The following AFAP1L2 variants were observed in gnomAD, a reference collection of about 807,000 sequenced individuals.
AFAP1L2 encodes the protein actin filament-associated protein 1-like 2.
In AFAP1L2, 46 loss-of-function variants were observed where a neutral mutation model predicts 99.3. That is an observed-to-expected ratio of 0.46 (90% CI 0.37 to 0.59). The LOEUF is 0.59. Among genes scored for constraint, AFAP1L2 ranks in the 20% least tolerant of loss-of-function variants. The probability of loss-of-function intolerance (pLI) is 0.00; values close to 1 mark genes in which losing one functional copy is unlikely to be tolerated. For missense variants in AFAP1L2, 959 were observed against 1,034.9 expected (o/e 0.93, Z 1.01); for synonymous variants, 397 against 419.1 (o/e 0.95, Z 0.64).
At chr10:114,286,555 G>T in the AFAP1L2 span, 1 of 1,487,408 alleles carries the variant, frequency 6.7e-7, no homozygotes, top group Non-Finnish European at 8.9e-7. Flanking sequence ...TCAGTGGGCG[G>T]GTCCTTCCTC....
At chr10:114,327,147 T>TCATATATATATATATATATATATATA (rs2046408453) in intron 4 of AFAP1L2, among the ~76,000 whole-genome samples, 1 of 54,538 alleles carries the variant, frequency 1.8e-5, no homozygotes, top group Non-Finnish European at 4.9e-5. Flanking sequence ...TTATATATAT[T>TCATATATATATATATATATATATATA]TATATATATA....
At chr10:114,346,797 G>T (rs559228952) in intron 1 of AFAP1L2, among the ~76,000 whole-genome samples, 2 of 152,270 alleles carry the variant, frequency 1.3e-5, no homozygotes, top group South Asian at 4.1e-4. Context: ...TTTCTTGTTT[G>T]AGACTTCCAA....
intron 2 of AFAP1L2, 73 bp downstream of exon 2, chr10:114,340,530 T>C: frequency 6.6e-7 from 1 of 1,521,926 alleles, no homozygotes; most frequent in Non-Finnish European, 8.9e-7. Flanking sequence ...TCCTTAGCTA[T>C]GGCAGCCCGC....
rs367836413 is a variant in AFAP1L2 at position 114,308,427 on chromosome 10, T to A, written c.967+6A>T. Reference sequence around the variant, plus strand: ...CACCATTCCCCTCCCAACCACATGATGTTACCGTCTTTGGTTTCTGGGACC... The same window carrying A: ...CACCATTCCCCTCCCAACCACATGAAGTTACCGTCTTTGGTTTCTGGGACC... On this transcript the variant is annotated splice_donor_region_variant and intron_variant, in intron 9 of 18. Transcript: ENST00000304129. The A allele has an allele frequency of 6.2e-7, 1 of 1,612,886 alleles. No homozygotes were observed. Among genetic ancestry groups the A allele is most frequent in the Non-Finnish European group, 8.5e-7 (1 of 1,178,990 alleles).
chr10:114,307,924 CAG>C lies in AFAP1L2; in HGVS notation c.968-17_968-16del, dbSNP rs374316001. 4.2e-5 allele frequency: 68 copies of C among 1,611,438 alleles called. No individual in the cohort carries two copies. The African/African-American group carries it at 7.9e-4, about 19-fold the overall frequency. On this transcript the variant is annotated splice_polypyrimidine_tract_variant and intron_variant, in intron 9 of 18. Transcript: ENST00000304129. ...TTTCTTCTTGACTGTCAAGATGAGA[CAG>C]AAAGCAATTCGTATTGCACGTGGTC... is the stretch of plus-strand genomic sequence containing the variant.
At chr10:114,394,977 G>A (rs1002907250) in intron 1 of AFAP1L2, among the ~76,000 whole-genome samples, 2 of 152,016 alleles carry the variant, frequency 1.3e-5, no homozygotes, top group African/African-American at 4.8e-5. Context: ...TGCACGCCAC[G>A]ATCCTCAGCC....
chr10:114,383,533 G>A (rs1483239496), intron 1 of AFAP1L2, among the ~76,000 whole-genome samples: 2 of 152,232 alleles, frequency 1.3e-5, no homozygotes, highest in East Asian at 1.9e-4. Context: ...ACAAATTTCT[G>A]CCACATATGC....
Position 114,362,858 on chromosome 10 carries a change from A to C in AFAP1L2, c.17-22127T>G, listed in dbSNP as rs957121190. ...TAAGAATTTGATTATATTTCAAATCAGTCAGACAAAAACTTCTGATTTGAA... is the reference window on the plus strand; with the variant it reads ...TAAGAATTTGATTATATTTCAAATCCGTCAGACAAAAACTTCTGATTTGAA... On this transcript the variant is annotated intron_variant, in intron 1 of 18. Coordinates refer to ENST00000304129, the MANE Select transcript of AFAP1L2 (RefSeq NM_001001936.3). 3.8e-6 allele frequency: 3 copies of C among 786,418 alleles called. No homozygotes were observed. In the African/African-American group the frequency reaches 5.7e-5, roughly 15 times the overall value. 48.7% of individuals were successfully genotyped at this position (786,418 alleles called of 1,614,324 possible).
In AFAP1L2 at chr10:114,313,926, G is replaced by C; in HGVS notation, c.737C>G (p.Ala246Gly). ...CTGCAGGCCCAGCACAATCACATCGGCATTCATCGGCGTGATCTTCAGCTT... is the reference window on the plus strand; with the variant it reads ...CTGCAGGCCCAGCACAATCACATCGCCATTCATCGGCGTGATCTTCAGCTT... The part of the protein sequence containing the change: ...EHKLKITPMN[A>G]DVIVLGLQSK... Residue 246 changes from alanine (A) to glycine (G), a missense_variant, in exon 7 of 19, where the codon GCC (alanine) becomes GGC (glycine). Around this residue, in one of 2 missense-constraint regions of AFAP1L2, gnomAD observed 383 missense variants for 472.8 expected, o/e 0.81. Transcript: ENST00000304129. 1.2e-6 allele frequency: 2 copies of C among 1,613,890 alleles called. No individual in the cohort carries two copies.
Position 114,315,741 on chromosome 10 carries a change from G to A in AFAP1L2, c.431C>T (p.Ser144Phe), listed in dbSNP as rs1447786906. The part of the protein sequence containing the change: ...LNEDGEAVSS[S>F]YESYDEEDGS... ...GTCCTCTTCATCGTAGGACTCGTAG[G>A]AGCTGCTCACAGCCTCTCCGTCCTC... The change falls in exon 6 of 19, where the codon TCC (serine) becomes TTC (phenylalanine). Residue 144 changes from serine to phenylalanine, a missense_variant. This residue lies in a region of AFAP1L2 where 383 missense variants were observed against 472.8 expected (regional missense o/e 0.81). Transcript: ENST00000304129. 6.2e-7 allele frequency: 1 copy of A among 1,612,912 alleles called. No individual in the cohort carries two copies. The highest frequency in any genetic ancestry group is 8.5e-7 in the Non-Finnish European group (1 of 1,179,812).
intron 1 of AFAP1L2, among the ~76,000 whole-genome samples, chr10:114,369,640 C>T (rs898441632): frequency 6.8e-6 from 1 of 146,122 alleles, no homozygotes; most frequent in South Asian, 2.2e-4. Flanking sequence ...AATTTTCATA[C>T]ATACGAAGTA....
chr10:114,335,207 C>T lies in AFAP1L2; in HGVS notation c.146-1912G>A, dbSNP rs552795637. On this transcript the variant is annotated intron_variant, in intron 2 of 18. Transcript: ENST00000304129. ...CATTTTTGTGTTCATATTCTTTGAC[C>T]CAGCATTTCTACTGCCAGAAACTTA... is the stretch of plus-strand genomic sequence containing the variant. Among the ~76,000 whole-genome samples the T allele has an allele frequency of 2.0e-5, 3 of 152,178 alleles. 1 individual carries two copies. In the South Asian group the frequency reaches 6.2e-4, roughly 32 times the overall value.
At chr10:114,290,129 G>A, downstream of AFAP1L2, 2 of 1,421,944 alleles carry the variant, frequency 1.4e-6, no homozygotes, top group South Asian at 2.8e-5. Context: ...CGGGGCAAAG[G>A]GAGACATGAC....
chr10:114,333,466 T>A (rs1020785212), intron 2 of AFAP1L2, among the ~76,000 whole-genome samples, 171 bp from the exon 3 acceptor site: 4 of 152,126 alleles, frequency 2.6e-5, no homozygotes, highest in African/African-American at 7.2e-5. Flanking sequence ...CTGACAGATT[T>A]CCAAAAGAGA....
intron 2 of AFAP1L2, among the ~76,000 whole-genome samples, chr10:114,339,568 T>C (rs1324105180): frequency 6.6e-6 from 1 of 152,244 alleles, no homozygotes; most frequent in Non-Finnish European, 1.5e-5. Context: ...TGGGGTGAAG[T>C]GTGTCCCCTG....
rs115970796 is a variant in AFAP1L2 at position 114,359,535 on chromosome 10, C to A, written c.17-18804G>T. Reference sequence around the variant, plus strand: ...GCAAATGGATCAACTTTCCCCGCACCCTGCAGAGCAGTTCTGCTCATCAGA... The same window carrying A: ...GCAAATGGATCAACTTTCCCCGCACACTGCAGAGCAGTTCTGCTCATCAGA... On this transcript the variant is annotated intron_variant, in intron 1 of 18. Transcript: ENST00000304129. 6.6e-3 allele frequency among the ~76,000 whole-genome samples: 1,007 copies of A among 152,236 alleles called. 15 individuals carry two copies. The highest frequency in any genetic ancestry group is 0.023 in the African/African-American group (936 of 41,528).
intron 1 of AFAP1L2, among the ~76,000 whole-genome samples, chr10:114,392,268 T>C (rs573805169): frequency 1.3e-5 from 2 of 152,276 alleles, no homozygotes; most frequent in South Asian, 4.2e-4. Context: ...TGTGCACCTG[T>C]AGTCCCAGCT....
rs1468170443 is a variant in AFAP1L2, at chr10:114,300,774, T to A, written c.1543-84A>T. ...GGGGGTACCAGCCCTGCCTCACAGT[T>A]CTGGTGCCCATCTCACAGTGTTCCA... On this transcript the variant is annotated intron_variant, in intron 13 of 18. Transcript: ENST00000304129. 4.7e-6 allele frequency: 7 copies of A among 1,495,612 alleles called. No individual in the cohort carries two copies. The East Asian group carries it at 1.4e-4, about 29-fold the overall frequency. 92.6% of individuals were successfully genotyped at this position (1,495,612 alleles called of 1,614,324 possible).
At chr10:114,341,525 A>T (rs1378074707) in intron 1 of AFAP1L2, among the ~76,000 whole-genome samples, 2 of 151,762 alleles carry the variant, frequency 1.3e-5, no homozygotes, top group Admixed American at 1.3e-4. Context: ...AGGCAGGAGA[A>T]TCGCTTGAAC....
Sources: allele counts gnomAD v4.1 joint callset (sites outside exome capture counted in the v4.1 genomes callset), GRCh38; gene constraint gnomAD v4.1.1; regional missense constraint gnomAD v4.1.1; transcripts MANE v1.5; gene names NCBI Gene and HGNC (gene_info 2026-07-23, HGNC 2026-07-21).